RBM47: variants seen among roughly 807,000 people sequenced by gnomAD.
The protein encoded by RBM47 is RNA binding motif protein 47.
Under a neutral mutation model 47.1 loss-of-function variants are expected in RBM47, and 21 were observed. The observed-to-expected ratio is 0.45, with a 90% confidence interval of 0.32 to 0.64. RBM47 has a LOEUF of 0.64. Ranked by LOEUF, RBM47 falls within the 30% of genes least tolerant of loss-of-function variation. The pLI is 0.05. For synonymous variants in RBM47, 375 were observed against 361.7 expected (o/e 1.04, Z -0.42); for missense variants, 708 against 870.9 (o/e 0.81, Z 2.35).
intron 1 of RBM47, among the ~76,000 whole-genome samples, chr4:40,616,906 T>C (rs1200194677): frequency 1.4e-5 from 2 of 146,128 alleles, no homozygotes; most frequent in South Asian, 4.4e-4. Flanking sequence ...GACAGAGTCT[T>C]GCTCTGTCGC....
At chr4:40,603,732 G>C (rs550911586) in intron 1 of RBM47, among the ~76,000 whole-genome samples, 2 of 152,128 alleles carry the variant, frequency 1.3e-5, no homozygotes, top group Non-Finnish European at 2.9e-5. Context: ...CTCACAAGTA[G>C]CTGGGATGAC....
chr4:40,537,825 C>T (rs1043051592), intron 2 of RBM47, among the ~76,000 whole-genome samples: 9 of 151,100 alleles, frequency 6.0e-5, no homozygotes, highest in African/African-American at 2.2e-4. Flanking sequence ...TCTGACAAGT[C>T]TTTTTTTTCC....
chr4:40,607,911 C>T (rs973056638), intron 1 of RBM47, among the ~76,000 whole-genome samples: 1 of 152,018 alleles, frequency 6.6e-6, no homozygotes, highest in Non-Finnish European at 1.5e-5. Flanking sequence ...TGAAGACCAG[C>T]CTGGGCAACA....
chr4:40,598,179 A>C (rs1186393998), intron 1 of RBM47, among the ~76,000 whole-genome samples: 1 of 152,200 alleles, frequency 6.6e-6, no homozygotes, highest in African/African-American at 2.4e-5. Flanking sequence ...ATTTTGCCGC[A>C]ATGTCTAATG....
intron 1 of RBM47, among the ~76,000 whole-genome samples, chr4:40,603,847 C>G (rs1370972708): frequency 6.6e-6 from 1 of 152,192 alleles, no homozygotes; most frequent in Non-Finnish European, 1.5e-5. Context: ...AGTAATCTGC[C>G]TGCCTCGGCC....
At chr4:40,444,850 A>G (rs754474343) in intron 3 of RBM47, among the ~76,000 whole-genome samples, 31 of 151,908 alleles carry the variant, frequency 2.0e-4, no homozygotes, top group Admixed American at 4.6e-4. Flanking sequence ...TTTTTAGTAG[A>G]GATGGGGTTT....
intron 1 of RBM47, among the ~76,000 whole-genome samples, chr4:40,545,038 G>A (rs1728884697): frequency 6.8e-6 from 1 of 146,874 alleles, no homozygotes; most frequent in South Asian, 2.2e-4. Flanking sequence ...CTGGAAAACA[G>A]AGTGAGATCC....
At chr4:40,532,280 G>A (rs1241743618) in intron 2 of RBM47, among the ~76,000 whole-genome samples, 1 of 145,660 alleles carries the variant, frequency 6.9e-6, no homozygotes, top group Non-Finnish European at 1.5e-5. Context: ...AAAATGCTGG[G>A]ATTACAGACG....
intron 1 of RBM47, among the ~76,000 whole-genome samples, chr4:40,602,375 C>T (rs955475809): frequency 1.1e-4 from 16 of 151,946 alleles, no homozygotes; most frequent in Admixed American, 6.6e-4. Context: ...ATCGGCCGGG[C>T]GCGGTCGCTC....
intron 1 of RBM47, among the ~76,000 whole-genome samples, chr4:40,600,519 A>G (rs1361846558): frequency 6.6e-6 from 1 of 151,272 alleles, no homozygotes; most frequent in African/African-American, 2.4e-5. Flanking sequence ...CTGTAGTCCC[A>G]GCTACTCGGG....
rs1427619845 is a variant in RBM47, at chr4:40,424,879, A to G, written c.*1025T>C. ...CATTAAAGTTTTACATTGGGCAATT[A>G]AATAGCTATGCAAAGGTGTCTTATG... On this transcript the variant is annotated 3_prime_UTR_variant, in exon 7 of 7. Transcript: ENST00000295971. 6.6e-6 allele frequency: 1 copy of G among 152,212 alleles called. No homozygotes were observed. The highest frequency in any genetic ancestry group is 1.5e-5 in the Non-Finnish European group (1 of 68,026). 9.4% of individuals were successfully genotyped at this position (152,212 alleles called of 1,614,324 possible).
intron 1 of RBM47, among the ~76,000 whole-genome samples, chr4:40,600,403 G>C (rs1308810800): frequency 1.3e-5 from 2 of 151,698 alleles, no homozygotes; most frequent in Admixed American, 1.3e-4. Flanking sequence ...GGGAGGCCAA[G>C]GCGGGCGGAT....
chr4:40,447,881 G>C (rs1322559821), intron 3 of RBM47, among the ~76,000 whole-genome samples: 1 of 152,198 alleles, frequency 6.6e-6, no homozygotes, highest in Non-Finnish European at 1.5e-5. Context: ...CATGGTGGCA[G>C]GCGCCTGTAG....
intron 1 of RBM47, among the ~76,000 whole-genome samples, chr4:40,569,460 A>G (rs1030527334): frequency 2.0e-5 from 3 of 147,580 alleles, no homozygotes; most frequent in African/African-American, 5.1e-5. Flanking sequence ...CCCAGGCTGG[A>G]GTGCAGTGGT....
At chr4:40,429,568 T>C (rs1715574432) in intron 6 of RBM47, among the ~76,000 whole-genome samples, 1 of 151,568 alleles carries the variant, frequency 6.6e-6, no homozygotes, top group Non-Finnish European at 1.5e-5. Context: ...GAGAAACATT[T>C]ACCCATCCCT....
At chr4:40,430,261 C>G (rs1412278503) in intron 6 of RBM47, among the ~76,000 whole-genome samples, 1 of 150,594 alleles carries the variant, frequency 6.6e-6, no homozygotes, top group African/African-American at 2.5e-5. Flanking sequence ...AAAAAAAAAC[C>G]CTGATGGCAA....
At chr4:40,464,738 A>G (rs1717710544) in intron 3 of RBM47, among the ~76,000 whole-genome samples, 1 of 151,792 alleles carries the variant, frequency 6.6e-6, no homozygotes. Flanking sequence ...ATACAAAAAA[A>G]AAATTAGCCG....
chr4:40,588,391 G>C (rs1733797236), intron 1 of RBM47, among the ~76,000 whole-genome samples: 1 of 152,110 alleles, frequency 6.6e-6, no homozygotes, highest in African/African-American at 2.4e-5. Context: ...ATAATGACAA[G>C]GACCTAGAAG....
intron 2 of RBM47, among the ~76,000 whole-genome samples, chr4:40,527,436 A>ATTTTTTTTTTTTTTTTTT (rs60524903): frequency 1.1e-4 from 11 of 104,718 alleles, no homozygotes; most frequent in African/African-American, 3.5e-4. Context: ...ACACCTGGCA[A>ATTTTTTTTTTTTTTTTTT]TTTTTTTTTT....
Sources: gnomAD v4.1 joint callset for allele counts (sites outside exome capture counted in the v4.1 genomes callset) on GRCh38, gnomAD v4.1.1 for gene constraint, MANE v1.5 for transcripts, NCBI Gene and HGNC (gene_info 2026-07-23, HGNC 2026-07-21) for gene names.